Variants in TEAD1 observed in about 807,000 individuals in gnomAD.
TEAD1 encodes the protein TEA domain transcription factor 1.
In TEAD1, 9 loss-of-function variants were observed where a neutral mutation model predicts 54.9. The observed-to-expected ratio is 0.16, with a 90% CI of 0.10 to 0.29. TEAD1 has a LOEUF of 0.29. Ranked by LOEUF, TEAD1 falls within the 10% of genes least tolerant of loss-of-function variation. TEAD1 has a pLI of 1.00. For missense variants in TEAD1, 387 were observed against 535.9 expected, an observed-to-expected ratio of 0.72 and a Z score of 2.74; for synonymous variants, 200 against 187.8, an observed-to-expected ratio of 1.07 and a Z score of -0.53.
At chr11:12,798,792 C>T (rs767290907) in intron 3 of TEAD1, among the ~76,000 whole-genome samples, 1 of 152,320 alleles carries the variant, frequency 6.6e-6, no homozygotes, top group African/African-American at 2.4e-5. Context: ...ATAAAAGGAG[C>T]ATGCATTTCT....
At chr11:12,746,798 C>T (rs1333232099) in intron 2 of TEAD1, among the ~76,000 whole-genome samples, 1 of 152,236 alleles carries the variant, frequency 6.6e-6, no homozygotes, top group Non-Finnish European at 1.5e-5. Flanking sequence ...GGTGAACTGG[C>T]TGAGAGCCAG....
chr11:12,830,887 G>T (rs1382267909), intron 3 of TEAD1, among the ~76,000 whole-genome samples: 1 of 151,848 alleles, frequency 6.6e-6, no homozygotes, highest in Non-Finnish European at 1.5e-5. Context: ...ACCCATCTCT[G>T]CCCCCATCCG....
chr11:12,911,591 G>A (rs762964740), intron 10 of TEAD1, among the ~76,000 whole-genome samples: 6 of 151,802 alleles, frequency 4.0e-5, no homozygotes, highest in Non-Finnish European at 5.9e-5. Flanking sequence ...TTAAGTAGAA[G>A]AAAGATTAGT....
At chr11:12,690,038 A>C (rs570191927) in intron 2 of TEAD1, among the ~76,000 whole-genome samples, 2 of 152,084 alleles carry the variant, frequency 1.3e-5, no homozygotes, top group South Asian at 4.2e-4. Flanking sequence ...CAGGAGATCG[A>C]GACCATCCTG....
At chr11:12,741,244 G>GT (rs756293229) in intron 2 of TEAD1, among the ~76,000 whole-genome samples, 13 of 151,410 alleles carry the variant, frequency 8.6e-5, no homozygotes, top group East Asian at 1.9e-4. Context: ...TTCATGTACT[G>GT]TTTTTTTTAA....
intron 9 of TEAD1, among the ~76,000 whole-genome samples, chr11:12,897,200 G>GT (rs1311936375): frequency 6.6e-6 from 1 of 151,570 alleles, no homozygotes; most frequent in Non-Finnish European, 1.5e-5. Context: ...CCCTTTTTTT[G>GT]TTTTATGTGC....
At chr11:12,704,790 C>CA (rs768424625) in intron 2 of TEAD1, among the ~76,000 whole-genome samples, 13 of 152,350 alleles carry the variant, frequency 8.5e-5, no homozygotes, top group Non-Finnish European at 1.6e-4. Context: ...TAATAGCTAA[C>CA]ATTTACCAGG....
chr11:12,836,270 A>G (rs541284230), intron 3 of TEAD1, among the ~76,000 whole-genome samples: 1 of 151,968 alleles, frequency 6.6e-6, no homozygotes, highest in Non-Finnish European at 1.5e-5. Flanking sequence ...AATACAAAAA[A>G]TTAGCCGGGC....
At chr11:12,795,695 T>G (rs1003551721) in intron 3 of TEAD1, among the ~76,000 whole-genome samples, 5 of 152,190 alleles carry the variant, frequency 3.3e-5, no homozygotes, top group Non-Finnish European at 7.3e-5. Flanking sequence ...GAGCTTTTTT[T>G]GGAAATGCAG....
chr11:12,903,827 T>C (rs1382307606), intron 10 of TEAD1, among the ~76,000 whole-genome samples: 1 of 152,130 alleles, frequency 6.6e-6, no homozygotes, highest in African/African-American at 2.4e-5. Context: ...AAAAGAAATT[T>C]GGATAGTAGA....
intron 3 of TEAD1, among the ~76,000 whole-genome samples, chr11:12,799,754 G>C (rs1002080287): frequency 6.6e-6 from 1 of 152,092 alleles, no homozygotes; most frequent in Non-Finnish European, 1.5e-5. Context: ...AAGCTGTTAC[G>C]CTGCTTGTAA....
intron 2 of TEAD1, among the ~76,000 whole-genome samples, chr11:12,706,875 A>G (rs1943827757): frequency 1.3e-5 from 2 of 152,160 alleles, no homozygotes; most frequent in African/African-American, 4.8e-5. Flanking sequence ...CTTCCAGGCA[A>G]GAGCAGGTGT....
chr11:12,754,020 T>C (rs1233449198), intron 2 of TEAD1, among the ~76,000 whole-genome samples: 1 of 152,232 alleles, frequency 6.6e-6, no homozygotes, highest in Non-Finnish European at 1.5e-5. Flanking sequence ...GTGTCACTTT[T>C]GTTACAAATC....
intron 3 of TEAD1, among the ~76,000 whole-genome samples, chr11:12,814,643 C>CA (rs1478468058): frequency 6.6e-5 from 10 of 152,156 alleles, no homozygotes; most frequent in Non-Finnish European, 1.5e-4. Context: ...AGTCTTTGCG[C>CA]ATGTCATCTC....
At chr11:12,913,695 A>G (rs1948657885) in intron 10 of TEAD1, among the ~76,000 whole-genome samples, 1 of 152,212 alleles carries the variant, frequency 6.6e-6, no homozygotes, top group Admixed American at 6.5e-5. Context: ...TTTGGTGTAC[A>G]TGTCCTATAC....
At chr11:12,769,395 G>T (rs1405587199) in intron 3 of TEAD1, among the ~76,000 whole-genome samples, 1 of 152,180 alleles carries the variant, frequency 6.6e-6, no homozygotes, top group Non-Finnish European at 1.5e-5. Flanking sequence ...TGACAAGGGG[G>T]TATCAGAATG....
At chr11:12,873,197 G>A (rs542242993) in intron 5 of TEAD1, among the ~76,000 whole-genome samples, 1 of 152,286 alleles carries the variant, frequency 6.6e-6, no homozygotes, top group East Asian at 1.9e-4. Flanking sequence ...ACTCACTCTG[G>A]AGCTTAACTT....
chr11:12,907,481 C>T (rs1331628855), intron 10 of TEAD1, among the ~76,000 whole-genome samples: 1 of 152,188 alleles, frequency 6.6e-6, no homozygotes, highest in African/African-American at 2.4e-5. Context: ...TCATGACAGC[C>T]TCTTACTCAT....
At chr11:12,833,956 C>A (rs944399615) in intron 3 of TEAD1, among the ~76,000 whole-genome samples, 32 of 152,168 alleles carry the variant, frequency 2.1e-4, no homozygotes, top group African/African-American at 7.7e-4. Context: ...TGGGCTGTGT[C>A]TGTTTGCTTG....
Sources: gnomAD v4.1 joint callset for allele counts (sites outside exome capture counted in the v4.1 genomes callset) on GRCh38, gnomAD v4.1.1 for gene constraint, MANE v1.5 for transcripts, NCBI Gene and HGNC (gene_info 2026-07-23, HGNC 2026-07-21) for gene names.